The following FAM50B variants were observed in gnomAD, a reference collection of about 807,000 sequenced individuals.
FAM50B encodes the protein family with sequence similarity 50 member B.
FAM50B carries 9 observed loss-of-function variants against 25.4 expected under a neutral mutation model. That is an observed-to-expected ratio of 0.35 (90% confidence interval 0.21 to 0.62). The LOEUF (loss-of-function observed/expected upper bound fraction) is 0.62, where lower values mean the gene tolerates loss of function less well. FAM50B is among the 20% of genes least tolerant of loss of function. The pLI, the probability that FAM50B is intolerant of heterozygous loss-of-function variation, is 0.73. For synonymous variants in FAM50B, 212 were observed against 204.3 expected, an observed-to-expected ratio of 1.04 and a Z score of -0.32; for missense variants, 372 against 477.9, an observed-to-expected ratio of 0.78 and a Z score of 2.07.
At chr6:3,849,019 G>C (rs762768557), upstream of FAM50B, among the ~76,000 whole-genome samples, 51 of 152,210 alleles carry the variant, frequency 3.4e-4, no homozygotes, top group Non-Finnish European at 6.6e-4. Context: ...AAGGCTCTCT[G>C]GGTGGCCACA....
the FAM50B span, among the ~76,000 whole-genome samples, chr6:3,840,445 C>T: frequency 5.3e-5 from 8 of 150,112 alleles, no homozygotes; most frequent in African/African-American, 2.0e-4. Flanking sequence ...TGCACTCCAG[C>T]CTGGGCAACA....
chr6:3,842,667 T>C, the FAM50B span, among the ~76,000 whole-genome samples: 1 of 152,226 alleles, frequency 6.6e-6, no homozygotes, highest in Non-Finnish European at 1.5e-5. Context: ...CTTCTCTCCC[T>C]ATCTGCCCTT....
At chr6:3,841,596 G>A in the FAM50B span, among the ~76,000 whole-genome samples, 9 of 152,182 alleles carry the variant, frequency 5.9e-5, no homozygotes, top group Non-Finnish European at 8.8e-5. Flanking sequence ...CCATAAATGA[G>A]ATAACAGCCA....
the FAM50B span, among the ~76,000 whole-genome samples, chr6:3,832,990 A>T: frequency 6.6e-6 from 1 of 152,062 alleles, no homozygotes; most frequent in South Asian, 2.1e-4. Context: ...GCCCCCAAGT[A>T]GCTGGGACTA....
Position 3,850,187 on chromosome 6 carries a change from G to A in FAM50B, c.376G>A (p.Asp126Asn). ...CTCCTGCCTGTCCTTTGCACTAGACGACCTCGATGACCAGGCCGACGCGGC... is the reference window on the plus strand; with the variant it reads ...CTCCTGCCTGTCCTTTGCACTAGACAACCTCGATGACCAGGCCGACGCGGC... ...KISCLSFALDDLDDQADAAEA... is the reference protein window; with the variant it reads ...KISCLSFALDNLDDQADAAEA... Residue 126 changes from aspartate to asparagine, a missense_variant, in exon 2 of 2, where the codon GAC becomes AAC. By Grantham distance (23) the Asp-to-Asn change is conservative (BLOSUM62 1). Transcript: ENST00000648326. The A allele has an allele frequency of 5.0e-6, 8 of 1,613,382 alleles. No homozygotes were observed. Among genetic ancestry groups the A allele is most frequent in the Non-Finnish European group, 6.8e-6 (8 of 1,179,848 alleles).
At chr6:3,835,587 C>T in the FAM50B span, among the ~76,000 whole-genome samples, 1 of 152,180 alleles carries the variant, frequency 6.6e-6, no homozygotes, top group Non-Finnish European at 1.5e-5. Context: ...AGAGAAGAAG[C>T]CACAGGAGGA....
the FAM50B span, among the ~76,000 whole-genome samples, chr6:3,842,930 T>C: frequency 2.0e-5 from 3 of 152,368 alleles, no homozygotes; most frequent in East Asian, 3.8e-4. Flanking sequence ...TAGAGATTTC[T>C]AGTGTTGAGC....
chr6:3,847,888 C>T (rs1217644724), upstream of FAM50B, among the ~76,000 whole-genome samples: 1 of 152,216 alleles, frequency 6.6e-6, no homozygotes, highest in Non-Finnish European at 1.5e-5. Context: ...GTGTCTCAGG[C>T]ACTAGGGAAG....
upstream of FAM50B, among the ~76,000 whole-genome samples, chr6:3,848,428 T>C (rs2113028276): frequency 6.6e-6 from 1 of 152,346 alleles, no homozygotes; most frequent in Middle Eastern, 3.4e-3. Flanking sequence ...CCTAGGTTTC[T>C]GGCTTGGACA....
the FAM50B span, among the ~76,000 whole-genome samples, chr6:3,834,954 T>C: frequency 6.6e-6 from 1 of 152,332 alleles, no homozygotes; most frequent in South Asian, 2.1e-4. Context: ...TAGAACTGCA[T>C]AGAGGCTGTT....
upstream of FAM50B, among the ~76,000 whole-genome samples, chr6:3,844,813 C>A (rs955242967): frequency 6.6e-6 from 1 of 152,166 alleles, no homozygotes; most frequent in Admixed American, 6.5e-5. Flanking sequence ...TCTATGTGCA[C>A]ATAAAATATT....
chr6:3,847,777 T>G (rs1203169355), upstream of FAM50B, among the ~76,000 whole-genome samples: 1 of 152,264 alleles, frequency 6.6e-6, no homozygotes, highest in Non-Finnish European at 1.5e-5. Context: ...CTGAATCATT[T>G]CTAGCCTTTG....
the FAM50B span, among the ~76,000 whole-genome samples, chr6:3,844,163 A>C: frequency 6.6e-6 from 1 of 152,208 alleles, no homozygotes; most frequent in African/African-American, 2.4e-5. Flanking sequence ...AAAATAGTTT[A>C]AGTTTTAGTT....
At position 3,849,994 on chromosome 6, in the gene FAM50B, G is replaced by C; in HGVS notation, c.183G>C (p.Lys61Asn). The change falls in exon 2 of 2, where the codon AAG becomes AAC. Residue 61 changes from lysine to asparagine, a missense_variant. By Grantham distance (94) the Lys-to-Asn change is moderately conservative (BLOSUM62 0). Transcript: ENST00000648326. The part of the protein sequence containing the change: ...AHYDAVEAEL[K>N]SSTVGLVTLN... ...ACGACGCCGTGGAGGCCGAGCTGAA[G>C]TCCAGCACGGTGGGCCTGGTGACCC... 1 of 1,613,914 alleles carries C rather than the reference G, an allele frequency of 6.2e-7. No individual in the cohort carries two copies.
rs540193944 is a variant in FAM50B at position 3,849,940 on chromosome 6, G to T, written c.129G>T (p.Ser43=). ...TCGCCGAGGAGACCATCCTCAAGTCGCAGGTGGACAAGAGGTTCTCGGCGC... is the reference window on the plus strand; with the variant it reads ...TCGCCGAGGAGACCATCCTCAAGTCTCAGGTGGACAAGAGGTTCTCGGCGC... The part of the protein sequence containing the change: ...QRIAEETILK[S]QVDKRFSAHY... The change falls in exon 2 of 2, where the codon TCG becomes TCT. Residue 43 remains serine, a synonymous_variant. Transcript: ENST00000648326. 1 of 1,613,826 alleles carries T rather than the reference G, an allele frequency of 6.2e-7. No homozygotes were observed. Among genetic ancestry groups the T allele is most frequent in the South Asian group, 1.1e-5 (1 of 91,070 alleles).
chr6:3,848,252 G>A (rs1194116110), upstream of FAM50B, among the ~76,000 whole-genome samples: 2 of 152,178 alleles, frequency 1.3e-5, no homozygotes, highest in Admixed American at 1.3e-4. Flanking sequence ...AATAAAATAA[G>A]ATATTCTTGT....
chr6:3,836,830 A>C, the FAM50B span, among the ~76,000 whole-genome samples: 2 of 152,184 alleles, frequency 1.3e-5, no homozygotes, highest in Non-Finnish European at 2.9e-5. Flanking sequence ...GAGTCTACTG[A>C]AGGACACTAT....
chr6:3,841,391 T>A, the FAM50B span, among the ~76,000 whole-genome samples: 1 of 152,106 alleles, frequency 6.6e-6, no homozygotes, highest in African/African-American at 2.4e-5. Context: ...TTATCAAAAG[T>A]TCCAGGGTGC....
chr6:3,843,190 C>G, the FAM50B span, among the ~76,000 whole-genome samples: 47 of 152,140 alleles, frequency 3.1e-4, no homozygotes, highest in Non-Finnish European at 5.6e-4. Context: ...TCCACCAAAC[C>G]AAAAAGTCAG....
Sources: allele counts gnomAD v4.1 joint callset (sites outside exome capture counted in the v4.1 genomes callset), GRCh38; gene constraint gnomAD v4.1.1; transcripts MANE v1.5; gene names NCBI Gene and HGNC (gene_info 2026-07-23, HGNC 2026-07-21).